TBC1D19: variants seen among roughly 807,000 people sequenced by gnomAD.
TBC1D19 encodes TBC1 domain family, member 19.
Under a neutral mutation model 89.0 loss-of-function variants are expected in TBC1D19, and 60 were observed. The ratio of observed to expected loss-of-function variants is 0.67; its 90% CI spans 0.55 to 0.84. TBC1D19 has a LOEUF of 0.84. Ranked by LOEUF, TBC1D19 falls within the 40% of genes least tolerant of loss-of-function variation. The probability of loss-of-function intolerance (pLI) is 0.00; values close to 1 mark genes in which losing one functional copy is unlikely to be tolerated. For missense variants in TBC1D19, 500 were observed against 610.8 expected, an observed-to-expected ratio of 0.82 and a Z score of 1.91; for synonymous variants, 189 against 199.7, an observed-to-expected ratio of 0.95 and a Z score of 0.45.
intron 4 of TBC1D19, among the ~76,000 whole-genome samples, chr4:26,629,869 C>T (rs1288589432): frequency 6.6e-6 from 1 of 151,698 alleles, no homozygotes; most frequent in Non-Finnish European, 1.5e-5. Context: ...GTCTCAATTA[C>T]ACACATATAC....
intron 13 of TBC1D19, among the ~76,000 whole-genome samples, chr4:26,705,428 T>C (rs948092880): frequency 6.6e-5 from 10 of 152,212 alleles, no homozygotes; most frequent in Non-Finnish European, 1.0e-4. Context: ...TGCATTCAGG[T>C]CTTTAATCCA....
At chr4:26,598,066 A>G (rs966776805) in intron 1 of TBC1D19, among the ~76,000 whole-genome samples, 1 of 152,176 alleles carries the variant, frequency 6.6e-6, no homozygotes, top group African/African-American at 2.4e-5. Flanking sequence ...TTTACATTTC[A>G]TAAGACATTG....
chr4:26,746,714 A>G (rs771091857), intron 18 of TBC1D19, among the ~76,000 whole-genome samples: 1 of 152,142 alleles, frequency 6.6e-6, no homozygotes. Flanking sequence ...TTCCCTATAT[A>G]TGAATAACTA....
intron 17 of TBC1D19, 99 bp downstream of exon 17, chr4:26,740,072 A>T: frequency 1.5e-6 from 1 of 661,922 alleles, no homozygotes; most frequent in Non-Finnish European, 2.3e-6. Context: ...TAACGCAACA[A>T]ATTTTAATTT....
chr4:26,776,310 A>G, the TBC1D19 span, among the ~76,000 whole-genome samples: 2 of 152,178 alleles, frequency 1.3e-5, no homozygotes, highest in Non-Finnish European at 2.9e-5. Context: ...TACTAATAAT[A>G]GTTTTCAAGA....
chr4:26,619,167 A>G (rs184402773), intron 3 of TBC1D19, among the ~76,000 whole-genome samples: 285 of 151,908 alleles, frequency 1.9e-3, no homozygotes, highest in African/African-American at 6.5e-3. Flanking sequence ...ATAACTATTA[A>G]GATCATCAGT....
intron 11 of TBC1D19, among the ~76,000 whole-genome samples, chr4:26,679,789 C>T (rs866171671): frequency 6.6e-6 from 1 of 152,248 alleles, no homozygotes; most frequent in African/African-American, 2.4e-5. Flanking sequence ...CTTGCATCAG[C>T]GTAGTTAATG....
At chr4:26,839,484 C>T in the TBC1D19 span, among the ~76,000 whole-genome samples, 1 of 151,762 alleles carries the variant, frequency 6.6e-6, no homozygotes, top group South Asian at 2.1e-4. Context: ...ATGTTACTTT[C>T]CTTCTTTATT....
At chr4:26,683,100 G>A (rs890243435) in intron 11 of TBC1D19, among the ~76,000 whole-genome samples, 1 of 152,024 alleles carries the variant, frequency 6.6e-6, no homozygotes, top group African/African-American at 2.4e-5. Context: ...CTATATGATT[G>A]CTTTTACTAC....
chr4:26,724,847 A>G (rs1577987973), intron 15 of TBC1D19, among the ~76,000 whole-genome samples: 2 of 152,116 alleles, frequency 1.3e-5, no homozygotes, highest in African/African-American at 4.8e-5. Flanking sequence ...AGTAGCTCCT[A>G]CCCCAGCCTC....
chr4:26,727,386 C>T (rs1218899808), intron 15 of TBC1D19, among the ~76,000 whole-genome samples: 1 of 152,128 alleles, frequency 6.6e-6, no homozygotes, highest in Non-Finnish European at 1.5e-5. Flanking sequence ...TTTTTGGAGC[C>T]TTAAGCCCAG....
the TBC1D19 span, among the ~76,000 whole-genome samples, chr4:26,830,878 C>T: frequency 1.2e-4 from 18 of 152,124 alleles, no homozygotes; most frequent in Non-Finnish European, 1.6e-4. Flanking sequence ...CAGACCTCTG[C>T]GAGCTCTTGA....
intron 16 of TBC1D19, among the ~76,000 whole-genome samples, chr4:26,736,802 C>G (rs1718076178): frequency 6.6e-6 from 1 of 152,180 alleles, no homozygotes; most frequent in South Asian, 2.1e-4. Flanking sequence ...AGCATTCAGT[C>G]ACCTGAGATA....
At chr4:26,815,021 C>CA in the TBC1D19 span, among the ~76,000 whole-genome samples, 6,385 of 118,934 alleles carry the variant, frequency 0.054, 384 homozygotes, top group African/African-American at 0.16. Flanking sequence ...GACCTTGTCT[C>CA]AAAAAAAAAA....
the TBC1D19 span, among the ~76,000 whole-genome samples, chr4:26,801,562 G>C: frequency 1.3e-5 from 2 of 152,178 alleles, no homozygotes; most frequent in African/African-American, 4.8e-5. Flanking sequence ...TTGGTAGCTT[G>C]ATGGGGATGG....
the TBC1D19 span, among the ~76,000 whole-genome samples, chr4:26,778,197 C>T: frequency 2.6e-4 from 39 of 152,114 alleles, no homozygotes; most frequent in African/African-American, 8.9e-4. Context: ...GGATGGATCA[C>T]AAGGTCAGGA....
intron 13 of TBC1D19, among the ~76,000 whole-genome samples, chr4:26,701,242 G>A (rs1715306847): frequency 6.6e-6 from 1 of 152,094 alleles, no homozygotes; most frequent in African/African-American, 2.4e-5. Flanking sequence ...TATTCAGAGA[G>A]CCAAAGGAAA....
rs1284906042 is a variant in TBC1D19, at chr4:26,673,906, G to A, written c.816+18G>A. ...AACCTGAGGTAAGAAGAAAAAAAGG[G>A]TGGGTCAGATTTTAGCTTTGGGGTA... On this transcript the variant is annotated intron_variant, in intron 11 of 20. Transcript: ENST00000264866. 6 of 1,476,676 alleles carry A rather than the reference G, an allele frequency of 4.1e-6. No homozygotes were observed. The highest frequency in any genetic ancestry group is 1.9e-5 in the Admixed American group (1 of 52,236). The allele number at this position is 1,476,676 out of a possible 1,614,324, so 91.5% of individuals were successfully genotyped here.
the TBC1D19 span, among the ~76,000 whole-genome samples, chr4:26,850,540 CAAAAAAAAAA>C: frequency 4.4e-5 from 4 of 90,440 alleles, no homozygotes; most frequent in Non-Finnish European, 1.9e-5. Flanking sequence ...GACCCTGTCT[CAAAAAAAAAA>C]AAAAAAAAAA....
Sources: allele counts gnomAD v4.1 joint callset (sites outside exome capture counted in the v4.1 genomes callset), GRCh38; gene constraint gnomAD v4.1.1; transcripts MANE v1.5; gene names NCBI Gene and HGNC (gene_info 2026-07-23, HGNC 2026-07-21).